Variants in RB1 observed in about 807,000 individuals in gnomAD.
RB1 encodes the protein retinoblastoma-associated protein.
Under a neutral mutation model 135.4 loss-of-function variants are expected in RB1, and 18 were observed. The ratio of observed to expected loss-of-function variants is 0.13; its 90% CI spans 0.09 to 0.20. The LOEUF (loss-of-function observed/expected upper bound fraction) is 0.20. Ranked by LOEUF, RB1 falls within the 10% of genes least tolerant of loss-of-function variation. RB1 has a pLI of 1.00. For synonymous variants in RB1, 365 were observed against 373.2 expected (o/e 0.98, Z 0.25); for missense variants, 868 against 1,110.0 (o/e 0.78, Z 3.10).
intron 17 of RB1, among the ~76,000 whole-genome samples, chr13:48,401,011 GCAT>G (rs976210106): frequency 6.6e-6 from 1 of 152,060 alleles, no homozygotes; most frequent in African/African-American, 2.4e-5. Flanking sequence ...TGGGACTCCA[GCAT>G]TGTTAAGTAT....
intron 11 of RB1, among the ~76,000 whole-genome samples, chr13:48,370,963 G>A (rs1178093808): frequency 6.6e-6 from 1 of 152,150 alleles, no homozygotes. Context: ...GAGTTTCTAA[G>A]TATTTTACGA....
intron 17 of RB1, among the ~76,000 whole-genome samples, chr13:48,434,748 AAC>A (rs1318983983): frequency 6.6e-6 from 1 of 152,142 alleles, no homozygotes; most frequent in Non-Finnish European, 1.5e-5. Context: ...CCCTGTCCCT[AAC>A]ACCTGGCCAC....
intron 2 of RB1, among the ~76,000 whole-genome samples, chr13:48,339,856 C>T (rs186629479): frequency 7.4e-4 from 112 of 152,206 alleles, no homozygotes; most frequent in African/African-American, 2.6e-3. Context: ...AATCCAATGA[C>T]TTTTTTAGAT....
intron 2 of RB1, among the ~76,000 whole-genome samples, chr13:48,314,961 A>G (rs1471110843): frequency 2.0e-5 from 3 of 152,128 alleles, no homozygotes; most frequent in African/African-American, 7.2e-5. Context: ...GGGTAATGTG[A>G]TGCCTCTAGC....
chr13:48,324,680 A>G, intron 2 of RB1, among the ~76,000 whole-genome samples: 1 of 152,322 alleles, frequency 6.6e-6, no homozygotes, highest in South Asian at 2.1e-4. Context: ...ATGGGAATGC[A>G]GATATCTCTT....
At chr13:48,471,270 T>A (rs1949466870) in intron 23 of RB1, among the ~76,000 whole-genome samples, 1 of 22,210 alleles carries the variant, frequency 4.5e-5, no homozygotes, top group Non-Finnish European at 9.7e-5. Flanking sequence ...GGGACATGGA[T>A]GAAATTGGAA....
intron 2 of RB1, among the ~76,000 whole-genome samples, chr13:48,333,929 C>T (rs1446771215): frequency 6.6e-6 from 1 of 152,014 alleles, no homozygotes; most frequent in Non-Finnish European, 1.5e-5. Flanking sequence ...AATGAGCAAG[C>T]AAGCAAGTCA....
chr13:48,328,709 A>G, intron 2 of RB1: 2 of 450,982 alleles, frequency 4.4e-6, no homozygotes, highest in Non-Finnish European at 8.1e-6. Context: ...TCAAGCCCTA[A>G]GTCTTGTCCT....
chr13:48,372,867 T>C (rs1952775851), intron 11 of RB1, among the ~76,000 whole-genome samples: 1 of 152,184 alleles, frequency 6.6e-6, no homozygotes, highest in Non-Finnish European at 1.5e-5. Flanking sequence ...CCCTTCATAA[T>C]ACACACACAT....
intron 2 of RB1, among the ~76,000 whole-genome samples, chr13:48,336,787 T>G (rs2138075641): frequency 6.6e-6 from 1 of 152,108 alleles, no homozygotes; most frequent in African/African-American, 2.4e-5. Flanking sequence ...GTGTCAATTT[T>G]GGATGTTTCC....
intron 17 of RB1, chr13:48,389,575 T>C (rs1405728284): frequency 6.6e-6 from 1 of 152,190 alleles, no homozygotes; most frequent in African/African-American, 2.4e-5. Context: ...AATTAGTGGC[T>C]TTAAACAAAT....
chr13:48,388,227 T>C (rs1177081772), intron 17 of RB1, among the ~76,000 whole-genome samples: 1 of 152,222 alleles, frequency 6.6e-6, no homozygotes, highest in East Asian at 1.9e-4. Context: ...AGTCAACTTA[T>C]GATGACATGC....
chr13:48,409,570 ATTTTTTTTTTTT>A (rs5803435), intron 17 of RB1, among the ~76,000 whole-genome samples: 5 of 59,694 alleles, frequency 8.4e-5, no homozygotes, highest in African/African-American at 2.6e-4. Flanking sequence ...GAACTGCTTG[ATTTTTTTTTTTT>A]TTTTTTTTTT....
intron 23 of RB1, among the ~76,000 whole-genome samples, chr13:48,466,028 G>C (rs1050500536): frequency 6.0e-5 from 9 of 150,000 alleles, no homozygotes; most frequent in East Asian, 2.0e-4. Context: ...CAAAGCAGCC[G>C]GGAAGCTCGA....
intron 23 of RB1, among the ~76,000 whole-genome samples, chr13:48,465,643 G>A (rs1417318001): frequency 1.3e-5 from 2 of 151,728 alleles, no homozygotes. Flanking sequence ...TCCATCTGAG[G>A]TACCGGGTTC....
At chr13:48,355,431 A>G (rs555672796) in intron 6 of RB1, among the ~76,000 whole-genome samples, 1 of 152,142 alleles carries the variant, frequency 6.6e-6, no homozygotes, top group African/African-American at 2.4e-5. Context: ...AATGCTGGCT[A>G]GGATGTGGAG....
chr13:48,447,710 C>T (rs759170459), intron 17 of RB1, among the ~76,000 whole-genome samples: 14 of 152,202 alleles, frequency 9.2e-5, no homozygotes, highest in Admixed American at 5.2e-4. Flanking sequence ...TACTGTGGCT[C>T]CAGAGTTTGT....
At chr13:48,459,557 TG>T in intron 19 of RB1, 130 bp from the exon 20 acceptor site, 1 of 878,638 alleles carries the variant, frequency 1.1e-6, no homozygotes, top group Non-Finnish European at 1.9e-6. Context: ...AAGAAAAGAG[TG>T]GTAGAAAAGA....
intron 17 of RB1, chr13:48,412,489 A>C (rs1434151986): frequency 3.9e-6 from 4 of 1,029,538 alleles, no homozygotes; most frequent in Non-Finnish European, 6.2e-6. Flanking sequence ...TTTGGGATTC[A>C]GATTATAACC....
Sources: allele counts gnomAD v4.1 joint callset (sites outside exome capture counted in the v4.1 genomes callset), GRCh38; gene constraint gnomAD v4.1.1; transcripts MANE v1.5; gene names NCBI Gene and HGNC (gene_info 2026-07-23, HGNC 2026-07-21).